Variants in PHKA1 observed in about 807,000 individuals in gnomAD.
PHKA1 encodes the protein phosphorylase kinase regulatory subunit alpha 1, also known as phosphorylase b kinase regulatory subunit alpha, skeletal muscle isoform.
Under a neutral mutation model 110.2 loss-of-function variants are expected in PHKA1, and 60 were observed. The observed-to-expected ratio is 0.54, with a 90% CI of 0.44 to 0.68. The LOEUF (loss-of-function observed/expected upper bound fraction) is 0.68, where lower values mean the gene tolerates loss of function less well. PHKA1 is among the 30% of genes least tolerant of loss of function. PHKA1 has a pLI of 0.00. For synonymous variants in PHKA1, 316 were observed against 333.6 expected, an observed-to-expected ratio of 0.95 and a Z score of 0.58; for missense variants, 801 against 942.5, an observed-to-expected ratio of 0.85 and a Z score of 1.97.
intron 5 of PHKA1, among the ~76,000 whole-genome samples, chrX:72,681,519 C>A (rs1174340947): frequency 4.6e-4 from 42 of 92,186 alleles, no homozygotes; most frequent in South Asian, 1.2e-3. Flanking sequence ...CCCGCCTGGC[C>A]AGCCGTGCCA....
chrX:72,702,314 G>T (rs1690361595), intron 3 of PHKA1, among the ~76,000 whole-genome samples: 2 of 110,721 alleles, frequency 1.8e-5, no homozygotes, highest in Admixed American at 1.9e-4. Flanking sequence ...GCCGAGTGTG[G>T]TGGCGCACAT....
chrX:72,651,670 A>G (rs2053431931), intron 12 of PHKA1, among the ~76,000 whole-genome samples: 1 of 112,269 alleles, frequency 8.9e-6, no homozygotes, highest in African/African-American at 3.2e-5. Context: ...GATTACTTAA[A>G]CAAACCATTC....
chrX:72,623,252 T>C lies in PHKA1; in HGVS notation c.1817A>G (p.Glu606Gly). 2.5e-6 allele frequency: 3 copies of C among 1,210,109 alleles called. No individual in the cohort carries two copies. Among genetic ancestry groups the C allele is most frequent in the East Asian group, 3.0e-5 (1 of 33,827 alleles). ...TGTGCAACAAGATGTTGTCAAAAAC[T>C]CTGACAATTTACCTGTTTGAACCCT... Reference protein sequence around the residue: ...GARVQTGKLSEFLTTSCCTHL... With the variant: ...GARVQTGKLSGFLTTSCCTHL... Residue 606 changes from glutamate (E) to glycine (G), a missense_variant, in exon 18 of 32, where the codon GAG becomes GGG. This residue lies in a region of PHKA1 where 502 missense variants were observed against 519.2 expected (regional missense o/e 0.97). Coordinates refer to ENST00000373542, the MANE Select transcript of PHKA1 (RefSeq NM_002637.4).
At chrX:72,639,653 T>A (rs1725528221) in intron 14 of PHKA1, among the ~76,000 whole-genome samples, 1 of 112,180 alleles carries the variant, frequency 8.9e-6, no homozygotes. Flanking sequence ...TAATTTACAC[T>A]ACCAGGAGTG....
At chrX:72,691,034 C>T (rs1358207017) in intron 4 of PHKA1, among the ~76,000 whole-genome samples, 2 of 112,980 alleles carry the variant, frequency 1.8e-5, no homozygotes, top group East Asian at 2.8e-4. Context: ...TCCCAAAGTG[C>T]TGGGATTACA....
At chrX:72,619,030 C>T (rs937387587) in intron 20 of PHKA1, among the ~76,000 whole-genome samples, 181 bp from the exon 21 acceptor site, 2 of 111,843 alleles carry the variant, frequency 1.8e-5, no homozygotes, top group Admixed American at 1.9e-4. Context: ...CTAGTTTTCC[C>T]AAAGTCTGAC....
chrX:72,656,751 G>C (rs906612141), intron 9 of PHKA1, among the ~76,000 whole-genome samples: 5 of 111,528 alleles, frequency 4.5e-5, no homozygotes, highest in Non-Finnish European at 9.4e-5. Flanking sequence ...AATTAAAATA[G>C]GAAAAGAATT....
At chrX:72,681,615 T>C (rs1216489438) in intron 5 of PHKA1, among the ~76,000 whole-genome samples, 15 of 62,644 alleles carry the variant, frequency 2.4e-4, no homozygotes, top group Non-Finnish European at 4.0e-4. Context: ...CGGCCGCCCC[T>C]ACTGGGAAGT....
intron 13 of PHKA1, among the ~76,000 whole-genome samples, chrX:72,648,944 T>A (rs782219549): frequency 6.3e-4 from 70 of 111,594 alleles, no homozygotes; most frequent in Non-Finnish European, 9.8e-4. Context: ...AGTGTTAGAC[T>A]GCACTGACGT....
intron 8 of PHKA1, among the ~76,000 whole-genome samples, chrX:72,661,024 A>G (rs782124998): frequency 3.6e-5 from 4 of 112,562 alleles, no homozygotes; most frequent in Non-Finnish European, 5.6e-5. Context: ...CCAAGCTTCA[A>G]AGAAATGTCA....
intron 10 of PHKA1, 117 bp from the exon 11 acceptor site, chrX:72,653,647 T>C (rs1376249222): frequency 9.6e-6 from 5 of 520,177 alleles, no homozygotes; most frequent in Non-Finnish European, 1.7e-5. Context: ...CCCAGTAAAA[T>C]AGAAAGGAAA....
rs781980417 is a variant in PHKA1 at position 72,622,324 on chromosome X, T to C, written c.1960+785A>G. ...TTTCTTTTCTCCAACATACCACTCT[T>C]AAGATAAAGAAATTGGCTGCCTTAA... On this transcript the variant is annotated intron_variant, in intron 18 of 31. Coordinates refer to ENST00000373542, the MANE Select transcript of PHKA1 (RefSeq NM_002637.4). 5 of 752,415 alleles carry C rather than the reference T, an allele frequency of 6.6e-6. No individual in the cohort carries two copies. The African/African-American group carries it at 1.2e-4, about 17-fold the overall frequency. The allele number at this position is 752,415 out of a possible 1,213,427, so 62.0% of individuals were successfully genotyped here.
chrX:72,604,354 C>G (rs1423863710), intron 25 of PHKA1, among the ~76,000 whole-genome samples: 1 of 110,961 alleles, frequency 9.0e-6, no homozygotes, highest in Admixed American at 9.6e-5. Flanking sequence ...CCAGAGGATT[C>G]TTGAAAGGAT....
intron 14 of PHKA1, among the ~76,000 whole-genome samples, chrX:72,637,180 T>G (rs2053240057): frequency 8.9e-6 from 1 of 112,340 alleles, no homozygotes; most frequent in Non-Finnish European, 1.9e-5. Context: ...CTTCCCAGAC[T>G]GAAACTCTAT....
intron 4 of PHKA1, among the ~76,000 whole-genome samples, chrX:72,685,253 TAGG>T (rs1864759874): frequency 9.0e-6 from 1 of 111,413 alleles, no homozygotes; most frequent in Non-Finnish European, 1.9e-5. Context: ...GCAGTTTCAT[TAGG>T]AGGTAAGATG....
intron 14 of PHKA1, among the ~76,000 whole-genome samples, chrX:72,643,143 C>G (rs1454755587): frequency 9.0e-6 from 1 of 110,785 alleles, no homozygotes; most frequent in Non-Finnish European, 1.9e-5. Flanking sequence ...ACTGGAGTTA[C>G]GTGCCAGAGA....
chrX:72,620,609 G>A (rs1440828950), intron 19 of PHKA1, 116 bp downstream of exon 19: 3 of 549,408 alleles, frequency 5.5e-6, no homozygotes, highest in Non-Finnish European at 9.3e-6. Flanking sequence ...TGAGATGCGG[G>A]GGATAAAGCA....
chrX:72,674,038 T>A (rs1311878081), intron 6 of PHKA1, among the ~76,000 whole-genome samples: 7 of 100,718 alleles, frequency 7.0e-5, no homozygotes, highest in Non-Finnish European at 1.4e-4. Context: ...TTCCCACCTA[T>A]GAGTGAGAGC....
chrX:72,698,629 T>C (rs903112299), intron 3 of PHKA1, among the ~76,000 whole-genome samples: 18 of 112,750 alleles, frequency 1.6e-4, no homozygotes, highest in African/African-American at 1.9e-4. Flanking sequence ...GACATTGATA[T>C]GGGCTTAATG....
Sources: allele counts gnomAD v4.1 joint callset (sites outside exome capture counted in the v4.1 genomes callset), GRCh38; gene constraint gnomAD v4.1.1; regional missense constraint gnomAD v4.1.1; transcripts MANE v1.5; gene names NCBI Gene and HGNC (gene_info 2026-07-23, HGNC 2026-07-21).